SLC15A4: variants seen among roughly 807,000 people sequenced by gnomAD.
SLC15A4 encodes the protein solute carrier family 15 member 4, also known as hPHT1.
SLC15A4 carries 26 observed loss-of-function variants against 46.1 expected under a neutral mutation model. The observed-to-expected ratio is 0.56, with a 90% CI of 0.41 to 0.78. SLC15A4 has a LOEUF of 0.78. Among genes scored for constraint, SLC15A4 ranks in the 30% least tolerant of loss-of-function variants. The probability of loss-of-function intolerance (pLI) is 0.00; values close to 1 mark genes in which losing one functional copy is unlikely to be tolerated. For synonymous variants in SLC15A4, 370 were observed against 333.4 expected (o/e 1.11, Z -1.20); for missense variants, 751 against 755.7 (o/e 0.99, Z 0.07).
intron 2 of SLC15A4, among the ~76,000 whole-genome samples, chr12:128,810,741 C>T (rs1285633491): frequency 6.6e-6 from 1 of 151,998 alleles, no homozygotes; most frequent in Non-Finnish European, 1.5e-5. Flanking sequence ...TGGCTCTGTC[C>T]CCTGACAGTA....
rs764019775 is a variant in SLC15A4, at chr12:128,796,150, C to T, written c.1574-1794G>A. On this transcript the variant is annotated intron_variant, in intron 7 of 7. Transcript: ENST00000266771. ...CAATATAATACACGTCTGGGCCAGG[C>T]GCAGTGGCTTATGACTGTAATCCCA... 5.3e-5 allele frequency among the ~76,000 whole-genome samples: 8 copies of T among 152,244 alleles called. 1 individual carries two copies. The highest frequency in any genetic ancestry group is 3.9e-4 in the Admixed American group (6 of 15,286).
At chr12:128,801,156 A>C (rs1008756246) in intron 5 of SLC15A4, 147 bp from the exon 6 acceptor site, 5 of 706,694 alleles carry the variant, frequency 7.1e-6, no homozygotes, top group Non-Finnish European at 9.0e-6. Context: ...CCCCAGGACT[A>C]ATAGGCCCCC....
chr12:128,809,873 G>A lies in SLC15A4; in HGVS notation c.1011+70C>T, dbSNP rs568614761. ...CCTAGTCCTACCTACTTTAGAAATGGCCAAAACAAGTGCTAGGGTAAGACT... is the reference window on the plus strand; with the variant it reads ...CCTAGTCCTACCTACTTTAGAAATGACCAAAACAAGTGCTAGGGTAAGACT... On this transcript the variant is annotated intron_variant, in intron 3 of 7. Coordinates refer to ENST00000266771, the MANE Select transcript of SLC15A4 (RefSeq NM_145648.4). 903 of 1,477,044 alleles carry A rather than the reference G, an allele frequency of 6.1e-4. 16 individuals carry two copies. The South Asian group carries it at 8.5e-3, about 14-fold the overall frequency. 91.5% of individuals were successfully genotyped at this position (1,477,044 alleles called of 1,614,324 possible). A position where few individuals can be genotyped will look rare whatever the true frequency, so the allele number is the denominator to read the frequency against.
intron 2 of SLC15A4, among the ~76,000 whole-genome samples, chr12:128,812,156 T>C (rs1249244452): frequency 6.6e-6 from 1 of 152,194 alleles, no homozygotes; most frequent in Non-Finnish European, 1.5e-5. Flanking sequence ...GTTGAACAAA[T>C]ACGCCTTCAT....
Position 128,808,844 on chromosome 12 carries a change from G to A in SLC15A4, c.1202C>T (p.Ser401Phe). 1 of 1,614,248 alleles carries A rather than the reference G, an allele frequency of 6.2e-7. No homozygotes were observed. Among genetic ancestry groups the A allele is most frequent in the Admixed American group, 1.7e-5 (1 of 60,032 alleles). The change falls in exon 5 of 8, where the codon TCC (serine) becomes TTC (phenylalanine). Residue 401 changes from serine (S) to phenylalanine (F), a missense_variant. By Grantham distance (155) the Ser-to-Phe change is radical (BLOSUM62 -2). Coordinates refer to ENST00000266771, the MANE Select transcript of SLC15A4 (RefSeq NM_145648.4). ...ILRRHGLLPS[S>F]LKRIAVGMFF... is the part of the protein sequence containing the mutation. ...CATGCCCACGGCGATCCTCTTCAGGGAGGATGGGAGCAGGCCATGTCTTCT... is the reference window on the plus strand; with the variant it reads ...CATGCCCACGGCGATCCTCTTCAGGAAGGATGGGAGCAGGCCATGTCTTCT...
chr12:128,809,514 T>C (rs762714299), intron 3 of SLC15A4, 41 bp from the exon 4 acceptor site: 24 of 1,354,328 alleles, frequency 1.8e-5, no homozygotes, highest in Middle Eastern at 1.8e-4. Context: ...GGACCAACTG[T>C]GCTCTCAAAC....
chr12:128,823,769 C>T lies in SLC15A4; in HGVS notation c.175G>A (p.Val59Met). The part of the protein sequence containing the change: ...AAFYGITSNL[V>M]LFLNGAPFCW... Reference sequence around the variant, plus strand: ...AACGGCGCCCCGTTCAGGAATAGCACCAGGTTGGACGTGATGCCGTAGAAA... The same window carrying T: ...AACGGCGCCCCGTTCAGGAATAGCATCAGGTTGGACGTGATGCCGTAGAAA... Residue 59 changes from valine to methionine, a missense_variant, in exon 1 of 8, where the codon GTG becomes ATG. Val to Met is a conservative substitution (Grantham distance 21, BLOSUM62 1). Coordinates refer to ENST00000266771, the MANE Select transcript of SLC15A4 (RefSeq NM_145648.4). 6.5e-7 allele frequency: 1 copy of T among 1,532,708 alleles called. No individual in the cohort carries two copies. The highest frequency in any genetic ancestry group is 8.7e-7 in the Non-Finnish European group (1 of 1,148,022). 94.9% of individuals were successfully genotyped at this position (1,532,708 alleles called of 1,614,324 possible).
chr12:128,821,814 A>G (rs751384193), intron 1 of SLC15A4, among the ~76,000 whole-genome samples: 8 of 150,862 alleles, frequency 5.3e-5, no homozygotes, highest in Non-Finnish European at 8.8e-5. Flanking sequence ...TGAACTCAGG[A>G]GGTGAAGGTT....
intron 5 of SLC15A4, among the ~76,000 whole-genome samples, chr12:128,804,547 T>G (rs959070886): frequency 3.3e-5 from 5 of 152,132 alleles, no homozygotes; most frequent in Non-Finnish European, 7.4e-5. Context: ...TTGGCCAATA[T>G]GGTGAAACCC....
chr12:128,801,049 A>AG, intron 5 of SLC15A4, 40 bp from the exon 6 acceptor site: 1 of 1,536,382 alleles, frequency 6.5e-7, no homozygotes, highest in Admixed American at 2.0e-5. Flanking sequence ...TTCATTTATT[A>AG]ACATTTACAG....
intron 3 of SLC15A4, 197 bp downstream of exon 3, chr12:128,809,746 T>C: frequency 1.8e-6 from 1 of 559,318 alleles, no homozygotes; most frequent in South Asian, 2.7e-5. Flanking sequence ...GTTCTCAGCT[T>C]CTTTTTCAGA....
rs1955894736 is a variant in SLC15A4 at position 128,823,852 on chromosome 12, G to A, written c.92C>T (p.Ala31Val). The A allele has an allele frequency of 3.2e-6, 4 of 1,267,316 alleles. No homozygotes were observed. The highest frequency in any genetic ancestry group is 4.0e-6 in the Non-Finnish European group (4 of 991,560). 78.5% of individuals were successfully genotyped at this position (1,267,316 alleles called of 1,614,324 possible). A position where few individuals can be genotyped will look rare whatever the true frequency, so the allele number is the denominator to read the frequency against. The change falls in exon 1 of 8, where the codon GCG (alanine) becomes GTG (valine). Residue 31 changes from alanine (A) to valine (V), a missense_variant. Physicochemically the swap from Ala to Val is moderately conservative, Grantham distance 64. Coordinates refer to ENST00000266771, the MANE Select transcript of SLC15A4 (RefSeq NM_145648.4). ...GGCCCCGCACGCCGCGCGCCGGCCCGCGAACGCCCCAGCCGCCGCCGCGGC... is the reference window on the plus strand; with the variant it reads ...GGCCCCGCACGCCGCGCGCCGGCCCACGAACGCCCCAGCCGCCGCCGCGGC... ...AAAAAAAGAF[A>V]GRRAACGAVL... is the part of the protein sequence containing the mutation.
Position 128,809,436 on chromosome 12 carries a change from C to T in SLC15A4, c.1049G>A (p.Arg350Lys). The T allele has an allele frequency of 6.2e-7, 1 of 1,609,270 alleles. No homozygotes were observed. Among genetic ancestry groups the T allele is most frequent in the Non-Finnish European group, 8.5e-7 (1 of 1,177,698 alleles). Reference protein sequence around the residue: ...TTYVLQSLHLRIPEISNITTT... With the variant: ...TTYVLQSLHLKIPEISNITTT... Reference sequence around the variant, plus strand: ...TGTAATATTTGAAATTTCTGGAATCCTCAAATGAAGACTCTGTAAAACATA... The same window carrying T: ...TGTAATATTTGAAATTTCTGGAATCTTCAAATGAAGACTCTGTAAAACATA... The change falls in exon 4 of 8, where the codon AGG (arginine) becomes AAG (lysine). Residue 350 changes from arginine (R) to lysine (K), a missense_variant. Coordinates refer to ENST00000266771, the MANE Select transcript of SLC15A4 (RefSeq NM_145648.4).
intron 1 of SLC15A4, among the ~76,000 whole-genome samples, chr12:128,820,726 A>G (rs1393348031): frequency 6.6e-6 from 1 of 152,254 alleles, no homozygotes; most frequent in Non-Finnish European, 1.5e-5. Flanking sequence ...TACTGTACTT[A>G]GGTACTTAGC....
At chr12:128,808,368 A>G (rs1034042510) in intron 5 of SLC15A4, among the ~76,000 whole-genome samples, 1 of 152,226 alleles carries the variant, frequency 6.6e-6, no homozygotes, top group Admixed American at 6.5e-5. Flanking sequence ...TAAAAAATTC[A>G]AAGGACTCGC....
chr12:128,802,098 A>T (rs1280870914), intron 5 of SLC15A4, among the ~76,000 whole-genome samples: 1 of 152,162 alleles, frequency 6.6e-6, no homozygotes, highest in Admixed American at 6.5e-5. Context: ...CCCACCCTGG[A>T]AGAGTGTCAA....
intron 2 of SLC15A4, among the ~76,000 whole-genome samples, chr12:128,811,232 T>C (rs1167696912): frequency 1.3e-5 from 2 of 152,184 alleles, no homozygotes; most frequent in Admixed American, 6.5e-5. Context: ...TAATTCCCAA[T>C]AAGATTGTGT....
At chr12:128,815,178 G>A in intron 1 of SLC15A4, 108 bp from the exon 2 acceptor site, 1 of 1,035,992 alleles carries the variant, frequency 9.7e-7, no homozygotes, top group Non-Finnish European at 1.4e-6. Context: ...CAACCTTTAA[G>A]AAGCGCAACA....
At chr12:128,808,713 C>A in intron 5 of SLC15A4, 75 bp downstream of exon 5, 1 of 1,492,558 alleles carries the variant, frequency 6.7e-7, no homozygotes, top group Non-Finnish European at 9.2e-7. Flanking sequence ...GGCACGACTG[C>A]GTGTGAGCAC....
Sources: gnomAD v4.1 joint callset for allele counts (sites outside exome capture counted in the v4.1 genomes callset) on GRCh38, gnomAD v4.1.1 for gene constraint, MANE v1.5 for transcripts, NCBI Gene and HGNC (gene_info 2026-07-23, HGNC 2026-07-21) for gene names.